MRTFA: variants seen among roughly 807,000 people sequenced by gnomAD.
The protein encoded by MRTFA is myocardin related transcription factor A.
Under a neutral mutation model 83.5 loss-of-function variants are expected in MRTFA, and 20 were observed. The ratio of observed to expected loss-of-function variants is 0.24; its 90% confidence interval spans 0.17 to 0.35. The LOEUF (loss-of-function observed/expected upper bound fraction) is 0.35. Among genes scored for constraint, MRTFA ranks in the 10% least tolerant of loss-of-function variants. The pLI, the probability that MRTFA is intolerant of heterozygous loss-of-function variation, is 1.00. For synonymous variants in MRTFA, 659 were observed against 541.2 expected, an observed-to-expected ratio of 1.22 and a Z score of -3.02; for missense variants, 1,200 against 1,224.7, an observed-to-expected ratio of 0.98 and a Z score of 0.30.
chr22:40,612,584 A>G (rs1238979211), intron 1 of MRTFA, among the ~76,000 whole-genome samples: 2 of 152,276 alleles, frequency 1.3e-5, no homozygotes, highest in African/African-American at 4.8e-5. Context: ...ACACATTTTG[A>G]GTGTACAGTT....
intron 3 of MRTFA, among the ~76,000 whole-genome samples, chr22:40,491,431 C>T (rs2054270370): frequency 6.6e-6 from 1 of 152,108 alleles, no homozygotes; most frequent in Non-Finnish European, 1.5e-5. Context: ...AAATTGTTCA[C>T]CCTAAGCAAA....
intron 4 of MRTFA, among the ~76,000 whole-genome samples, chr22:40,435,884 G>A (rs56283550): frequency 0.1 from 15,431 of 150,348 alleles, 942 homozygotes; most frequent in East Asian, 0.24. Flanking sequence ...GCAGTAAGCC[G>A]AGATTGCGCC....
intron 2 of MRTFA, among the ~76,000 whole-genome samples, chr22:40,554,565 T>C (rs1164997448): frequency 6.6e-6 from 1 of 152,196 alleles, no homozygotes; most frequent in East Asian, 1.9e-4. Context: ...ACTGTAAGTT[T>C]CCTGAGGCCT....
At position 40,418,790 on chromosome 22, in the gene MRTFA, G is replaced by A. The variant is rs780789822; in HGVS notation, c.1948C>T (p.Arg650Trp). Residue 650 changes from arginine to tryptophan, a missense_variant, in exon 12 of 15, where the codon CGG (arginine) becomes TGG (tryptophan). Arg to Trp is a moderately radical substitution (Grantham distance 101). Coordinates refer to ENST00000355630, the MANE Select transcript of MRTFA (RefSeq NM_020831.6). ...TCCTGCTCCAGCTGCAGCTTGAGCCGCTCCACCAGCTGCTGCTTCTGCCGG... is the reference window on the plus strand; with the variant it reads ...TCCTGCTCCAGCTGCAGCTTGAGCCACTCCACCAGCTGCTGCTTCTGCCGG... 8.8e-6 allele frequency: 14 copies of A among 1,591,230 alleles called. No homozygotes were observed. The highest frequency in any genetic ancestry group is 7.9e-5 in the South Asian group (7 of 89,004).
At chr22:40,608,832 T>C (rs1001332151) in intron 1 of MRTFA, among the ~76,000 whole-genome samples, 2 of 152,170 alleles carry the variant, frequency 1.3e-5, no homozygotes, top group Non-Finnish European at 2.9e-5. Context: ...GGGAACACAG[T>C]AATGTGATAA....
chr22:40,497,714 C>T (rs1000987898), intron 3 of MRTFA, among the ~76,000 whole-genome samples: 2 of 151,910 alleles, frequency 1.3e-5, no homozygotes, highest in African/African-American at 4.8e-5. Flanking sequence ...GATCGCACCA[C>T]TGCACTTCAG....
rs2054676858 is a variant in MRTFA, at chr22:40,512,042, G to C, written c.241+40064C>G. ...CATAGAACAGGTGAGATGAGGCCTAGAATGGGCCCACTATATAGGGTGACT... is the reference window on the plus strand; with the variant it reads ...CATAGAACAGGTGAGATGAGGCCTACAATGGGCCCACTATATAGGGTGACT... On this transcript the variant is annotated intron_variant, in intron 3 of 14. Coordinates refer to ENST00000355630, the MANE Select transcript of MRTFA (RefSeq NM_020831.6). Among the ~76,000 whole-genome samples the C allele has an allele frequency of 2.6e-5, 4 of 152,306 alleles. No individual in the cohort carries two copies. In the South Asian group the frequency reaches 8.3e-4, roughly 32 times the overall value.
Position 40,450,774 on chromosome 22 carries a change from A to G in MRTFA, c.307+12447T>C, listed in dbSNP as rs538267451. On this transcript the variant is annotated intron_variant, in intron 4 of 14. Coordinates refer to ENST00000355630, the MANE Select transcript of MRTFA (RefSeq NM_020831.6). ...CACCCAGCCTCCTCAATTTTCAAAG[A>G]TTTTTTAAAGTTGAAATTTTGGCGA... Among the ~76,000 whole-genome samples, 349 of 152,232 alleles carry G rather than the reference A, an allele frequency of 2.3e-3. 1 individual carries two copies. Among genetic ancestry groups the G allele is most frequent in the African/African-American group, 8.1e-3 (337 of 41,542 alleles).
chr22:40,634,559 C>T (rs992401372), intron 1 of MRTFA, among the ~76,000 whole-genome samples: 14 of 152,182 alleles, frequency 9.2e-5, no homozygotes, highest in African/African-American at 3.4e-4. Context: ...TATTTCAGCG[C>T]GTTACAATCA....
intron 3 of MRTFA, among the ~76,000 whole-genome samples, chr22:40,464,329 A>C (rs941754673): frequency 1.3e-5 from 2 of 150,952 alleles, no homozygotes; most frequent in African/African-American, 4.9e-5. Flanking sequence ...AAAAAAAAAA[A>C]AAACAACTAT....
At chr22:40,449,991 A>G (rs983770206) in intron 4 of MRTFA, among the ~76,000 whole-genome samples, 1 of 152,236 alleles carries the variant, frequency 6.6e-6, no homozygotes, top group Non-Finnish European at 1.5e-5. Flanking sequence ...ACAGAGGTTC[A>G]CTGGTAGTGC....
intron 3 of MRTFA, among the ~76,000 whole-genome samples, chr22:40,473,732 G>C (rs562813479): frequency 1.4e-4 from 21 of 152,234 alleles, no homozygotes; most frequent in Admixed American, 2.6e-4. Context: ...CAGATAATTA[G>C]AATACCCATC....
At chr22:40,438,189 C>G (rs887098607) in intron 4 of MRTFA, among the ~76,000 whole-genome samples, 4 of 152,304 alleles carry the variant, frequency 2.6e-5, no homozygotes, top group South Asian at 2.1e-4. Flanking sequence ...GTCTAATTTT[C>G]TTCCAGAGTG....
At chr22:40,624,252 C>T (rs1017437645) in intron 1 of MRTFA, among the ~76,000 whole-genome samples, 5 of 151,608 alleles carry the variant, frequency 3.3e-5, no homozygotes, top group Non-Finnish European at 5.9e-5. Flanking sequence ...AGTGAAACTC[C>T]GTCTCTACTA....
At chr22:40,608,908 A>G (rs2056351241) in intron 1 of MRTFA, among the ~76,000 whole-genome samples, 1 of 152,220 alleles carries the variant, frequency 6.6e-6, no homozygotes, top group Non-Finnish European at 1.5e-5. Flanking sequence ...AGATTACCAC[A>G]TCGCACCCAT....
At chr22:40,496,167 G>A (rs973186319) in intron 3 of MRTFA, among the ~76,000 whole-genome samples, 1 of 152,176 alleles carries the variant, frequency 6.6e-6, no homozygotes, top group African/African-American at 2.4e-5. Context: ...CAGCTGCTGT[G>A]ACCTTGAGAT....
intron 3 of MRTFA, among the ~76,000 whole-genome samples, chr22:40,495,863 C>T (rs4283515): frequency 0.039 from 5,716 of 148,388 alleles, 285 homozygotes; most frequent in Middle Eastern, 0.12. Context: ...GTCAGGAATT[C>T]GAGACCAGCC....
chr22:40,602,119 C>A (rs2074302440), intron 1 of MRTFA, among the ~76,000 whole-genome samples: 7 of 152,190 alleles, frequency 4.6e-5, no homozygotes, highest in Admixed American at 3.9e-4. Context: ...AAGAACAACA[C>A]AGAGAGGGAC....
chr22:40,459,652 G>C (rs1030974216), intron 4 of MRTFA, among the ~76,000 whole-genome samples: 3 of 151,390 alleles, frequency 2.0e-5, no homozygotes, highest in African/African-American at 7.3e-5. Flanking sequence ...GTTTTCAATA[G>C]AGCGGTATCT....
Sources: allele counts gnomAD v4.1 joint callset (sites outside exome capture counted in the v4.1 genomes callset), GRCh38; gene constraint gnomAD v4.1.1; transcripts MANE v1.5; gene names NCBI Gene and HGNC (gene_info 2026-07-23, HGNC 2026-07-21).